The following COL5A2 variants were observed in gnomAD, a reference collection of about 807,000 sequenced individuals.
COL5A2 encodes the protein collagen alpha-2(V) chain.
In COL5A2, 23 loss-of-function variants were observed where a neutral mutation model predicts 208.2. That is an observed-to-expected ratio of 0.11 (90% CI 0.08 to 0.16). The LOEUF (loss-of-function observed/expected upper bound fraction) is 0.16, where lower values mean the gene tolerates loss of function less well. Ranked by LOEUF, COL5A2 falls within the 10% of genes least tolerant of loss-of-function variation. COL5A2 has a pLI of 1.00. For missense variants in COL5A2, 1,590 were observed against 1,956.4 expected (o/e 0.81, Z 3.53); for synonymous variants, 625 against 628.5 (o/e 0.99, Z 0.08).
the COL5A2 span, among the ~76,000 whole-genome samples, chr2:189,246,508 T>C: frequency 1.3e-5 from 2 of 152,184 alleles, no homozygotes; most frequent in African/African-American, 4.8e-5. Flanking sequence ...TTCCAATAAA[T>C]TAACCATGCT....
chr2:189,101,503 CT>C (rs766457745), intron 3 of COL5A2, among the ~76,000 whole-genome samples: 5 of 151,844 alleles, frequency 3.3e-5, no homozygotes, highest in Non-Finnish European at 7.4e-5. Context: ...AAATGAATAT[CT>C]TTGTTTATAA....
At chr2:189,293,978 C>T in the COL5A2 span, among the ~76,000 whole-genome samples, 4 of 151,702 alleles carry the variant, frequency 2.6e-5, no homozygotes, top group South Asian at 8.3e-4. Flanking sequence ...GTCCCAGCTA[C>T]TGGTGAGGCT....
chr2:189,417,182 A>G, the COL5A2 span, among the ~76,000 whole-genome samples: 1 of 152,144 alleles, frequency 6.6e-6, no homozygotes, highest in Non-Finnish European at 1.5e-5. Context: ...TAATTATTCC[A>G]TCTGGAATTT....
chr2:189,413,412 C>T, the COL5A2 span, among the ~76,000 whole-genome samples: 1 of 152,028 alleles, frequency 6.6e-6, no homozygotes, highest in Non-Finnish European at 1.5e-5. Context: ...TAAATCACTG[C>T]CAAATCTCCA....
At chr2:189,165,016 T>C (rs1339024459) in intron 1 of COL5A2, among the ~76,000 whole-genome samples, 2 of 152,252 alleles carry the variant, frequency 1.3e-5, no homozygotes, top group Non-Finnish European at 2.9e-5. Flanking sequence ...TAAGTCTGTC[T>C]TGACATCAGT....
At chr2:189,056,266 A>C (rs1685898416) in intron 35 of COL5A2, among the ~76,000 whole-genome samples, 1 of 152,246 alleles carries the variant, frequency 6.6e-6, no homozygotes, top group African/African-American at 2.4e-5. Context: ...AGAAATCATT[A>C]GTCAAATATC....
intron 49 of COL5A2, 112 bp from the exon 50 acceptor site, chr2:189,041,805 T>C (rs1685567923): frequency 1.5e-6 from 1 of 687,782 alleles, no homozygotes; most frequent in Non-Finnish European, 2.6e-6. Flanking sequence ...ATTTCTAAGA[T>C]TCATTTTCTT....
At chr2:189,277,937 A>T in the COL5A2 span, among the ~76,000 whole-genome samples, 1 of 152,120 alleles carries the variant, frequency 6.6e-6, no homozygotes, top group African/African-American at 2.4e-5. Context: ...CAAGGAGGTC[A>T]ATAGTGCCCC....
chr2:189,066,335 T>G, intron 23 of COL5A2, 55 bp downstream of exon 23: 1 of 1,479,714 alleles, frequency 6.8e-7, no homozygotes, highest in South Asian at 1.1e-5. Flanking sequence ...GTTCTCAGAC[T>G]TACACACATA....
chr2:189,110,580 T>C (rs1287044279), intron 1 of COL5A2, 131 bp from the exon 2 acceptor site: 1 of 713,326 alleles, frequency 1.4e-6, no homozygotes, highest in African/African-American at 1.8e-5. Context: ...CAAACACAGA[T>C]GAACTGATTT....
Position 189,053,078 on chromosome 2 carries a change from A to G in COL5A2, c.2554-60T>C, listed in dbSNP as rs145945023. 113 of 1,265,094 alleles carry G rather than the reference A, an allele frequency of 8.9e-5. 1 individual carries two copies. The East Asian group carries it at 2.7e-3, about 30-fold the overall frequency. The allele number at this position is 1,265,094 out of a possible 1,614,324, so 78.4% of individuals were successfully genotyped here. On this transcript the variant is annotated intron_variant, in intron 38 of 53. Coordinates refer to ENST00000374866, the MANE Select transcript of COL5A2 (RefSeq NM_000393.5). ...AAGACTTATAGACAAATTACTTTAG[A>G]GTAATTATTACTAATGTATCAATTA...
At chr2:189,195,911 T>G (rs1461481005) in intron 1 of COL5A2, among the ~76,000 whole-genome samples, 2 of 152,100 alleles carry the variant, frequency 1.3e-5, no homozygotes, top group Non-Finnish European at 2.9e-5. Flanking sequence ...GACTTTATGA[T>G]GAAAATGCCA....
the COL5A2 span, chr2:189,311,558 G>A: frequency 2.4e-6 from 3 of 1,262,860 alleles, no homozygotes; most frequent in Non-Finnish European, 2.2e-6. Context: ...CATCTGCTGG[G>A]CGTAGTGGGC....
At chr2:189,283,770 A>G in the COL5A2 span, among the ~76,000 whole-genome samples, 1 of 152,274 alleles carries the variant, frequency 6.6e-6, no homozygotes, top group South Asian at 2.1e-4. Context: ...TGTGGGATAT[A>G]TGGAAACTAC....
intron 1 of COL5A2, among the ~76,000 whole-genome samples, chr2:189,118,403 A>T (rs1246172382): frequency 6.6e-6 from 1 of 151,988 alleles, no homozygotes; most frequent in East Asian, 1.9e-4. Flanking sequence ...TTGCAGCTGC[A>T]TTTTGCCTCC....
the COL5A2 span, among the ~76,000 whole-genome samples, chr2:189,332,176 A>T: frequency 6.6e-6 from 1 of 152,314 alleles, no homozygotes; most frequent in East Asian, 1.9e-4. Flanking sequence ...AGAAATACAT[A>T]AAATCACAAA....
intron 1 of COL5A2, among the ~76,000 whole-genome samples, chr2:189,127,903 G>A (rs948996432): frequency 8.6e-5 from 13 of 151,978 alleles, no homozygotes; most frequent in African/African-American, 3.1e-4. Context: ...TCACAGTGAA[G>A]GAGTGCTGCT....
the COL5A2 span, among the ~76,000 whole-genome samples, chr2:189,351,983 T>G: frequency 6.8e-6 from 1 of 148,068 alleles, no homozygotes. Context: ...ACAGGCCCAG[T>G]GTGTGATGCT....
At chr2:189,371,116 C>T in the COL5A2 span, among the ~76,000 whole-genome samples, 19 of 152,082 alleles carry the variant, frequency 1.2e-4, no homozygotes, top group Admixed American at 2.0e-4. Context: ...ACATCTCTTG[C>T]TTTTGCTATG....
Sources: gnomAD v4.1 joint callset for allele counts (sites outside exome capture counted in the v4.1 genomes callset) on GRCh38, gnomAD v4.1.1 for gene constraint, MANE v1.5 for transcripts, NCBI Gene and HGNC (gene_info 2026-07-23, HGNC 2026-07-21) for gene names.